The following PBX1 variants were observed in gnomAD, a reference collection of about 807,000 sequenced individuals.
PBX1 encodes the protein pre-B-cell leukemia transcription factor 1.
A neutral mutation model predicts 53.4 loss-of-function variants in PBX1; 6 were observed. The observed-to-expected ratio is 0.11, with a 90% CI of 0.06 to 0.22. The LOEUF (loss-of-function observed/expected upper bound fraction) is 0.22. Among genes scored for constraint, PBX1 ranks in the 10% least tolerant of loss-of-function variants. The probability of loss-of-function intolerance (pLI) is 1.00; values close to 1 mark genes in which losing one functional copy is unlikely to be tolerated. For synonymous variants in PBX1, 204 were observed against 212.3 expected (o/e 0.96, Z 0.34); for missense variants, 251 against 551.4 (o/e 0.46, Z 5.46).
intron 3 of PBX1, among the ~76,000 whole-genome samples, 187 bp from the exon 4 acceptor site, chr1:164,799,512 A>G (rs1668962347): frequency 6.6e-6 from 1 of 152,198 alleles, no homozygotes; most frequent in Non-Finnish European, 1.5e-5. Flanking sequence ...ATAAATAAAA[A>G]TAAAAATTCA....
chr1:164,751,314 CA>C (rs527755578), intron 2 of PBX1, among the ~76,000 whole-genome samples: 12,114 of 78,904 alleles, frequency 0.15, 657 homozygotes, highest in African/African-American at 0.26. Flanking sequence ...GACTCTGTCT[CA>C]AAAAAAAAAA....
At chr1:164,746,471 G>T (rs1021693765) in intron 2 of PBX1, among the ~76,000 whole-genome samples, 1 of 152,122 alleles carries the variant, frequency 6.6e-6, no homozygotes, top group East Asian at 1.9e-4. Flanking sequence ...CCACCTCCCA[G>T]GTTCAAGTGA....
At chr1:164,819,810 T>A (rs1670060693) in intron 6 of PBX1, 1 of 349,254 alleles carries the variant, frequency 2.9e-6, no homozygotes, top group Non-Finnish European at 5.2e-6. Flanking sequence ...AAGGTTCCCT[T>A]TCTTGGCTTG....
intron 2 of PBX1, among the ~76,000 whole-genome samples, chr1:164,715,684 A>G (rs924540249): frequency 1.3e-5 from 2 of 152,216 alleles, no homozygotes; most frequent in Non-Finnish European, 2.9e-5. Flanking sequence ...TGACTAGCTC[A>G]TGCCTTCAAA....
chr1:164,867,728 C>T (rs73030714), intron 2 of PBX1, among the ~76,000 whole-genome samples: 2,531 of 152,328 alleles, frequency 0.017, 81 homozygotes, highest in African/African-American at 0.058. Context: ...GTTTCAGTCA[C>T]CGCTTACCAA....
chr1:164,694,797 A>G (rs1487646753), intron 2 of PBX1, among the ~76,000 whole-genome samples: 1 of 152,210 alleles, frequency 6.6e-6, no homozygotes, highest in African/African-American at 2.4e-5. Context: ...GCCAAGACTT[A>G]TAAAACTAAA....
At chr1:164,777,024 C>T (rs1030917818) in intron 2 of PBX1, among the ~76,000 whole-genome samples, 1 of 146,042 alleles carries the variant, frequency 6.8e-6, no homozygotes, top group Non-Finnish European at 1.5e-5. Flanking sequence ...GATGGAGGTA[C>T]AAGTAATGGA....
intron 2 of PBX1, among the ~76,000 whole-genome samples, chr1:164,664,147 A>G (rs1177550389): frequency 6.6e-6 from 1 of 152,246 alleles, no homozygotes; most frequent in Non-Finnish European, 1.5e-5. Flanking sequence ...CTCAACTGAA[A>G]CAGGTTAACT....
At chr1:164,567,869 G>A (rs1442346903) in intron 2 of PBX1, among the ~76,000 whole-genome samples, 1 of 152,130 alleles carries the variant, frequency 6.6e-6, no homozygotes, top group Non-Finnish European at 1.5e-5. Flanking sequence ...AGGTTATACT[G>A]AAGGATCTGG....
In PBX1 at chr1:164,848,768, G is replaced by C; in HGVS notation, c.*2092G>C. On this transcript the variant is annotated 3_prime_UTR_variant, in exon 9 of 9. Transcript: ENST00000420696. ...AGAAGTATGAGACCCTGAGGGGTGA[G>C]AATGGGCAGCTAGCAAGAACATGGA... The C allele has an allele frequency of 2.8e-6, 3 of 1,061,310 alleles. No homozygotes were observed. Among genetic ancestry groups the C allele is most frequent in the Non-Finnish European group, 3.4e-6 (3 of 876,792 alleles). 65.7% of individuals were successfully genotyped at this position (1,061,310 alleles called of 1,614,324 possible).
chr1:164,871,548 G>A (rs571378241), intron 2 of PBX1, among the ~76,000 whole-genome samples: 9 of 152,276 alleles, frequency 5.9e-5, no homozygotes, highest in Admixed American at 1.3e-4. Context: ...TAGGACACCC[G>A]AGTGACCCTG....
intron 8 of PBX1, among the ~76,000 whole-genome samples, chr1:164,826,676 A>T (rs1426951386): frequency 6.6e-6 from 1 of 152,208 alleles, no homozygotes; most frequent in Non-Finnish European, 1.5e-5. Flanking sequence ...AAGTACTGGG[A>T]TTATAGGTGT....
chr1:164,633,127 C>T (rs1026866035), intron 2 of PBX1, among the ~76,000 whole-genome samples: 1 of 151,996 alleles, frequency 6.6e-6, no homozygotes, highest in South Asian at 2.1e-4. Flanking sequence ...TTCTTTTCTT[C>T]ACAACCATCT....
intron 2 of PBX1, among the ~76,000 whole-genome samples, chr1:164,728,745 G>T (rs1244143404): frequency 6.6e-6 from 1 of 152,140 alleles, no homozygotes; most frequent in Non-Finnish European, 1.5e-5. Flanking sequence ...AGGGCCTCTG[G>T]TTTTTAACTT....
At chr1:164,806,578 C>G (rs1047686059) in intron 4 of PBX1, among the ~76,000 whole-genome samples, 3 of 152,134 alleles carry the variant, frequency 2.0e-5, no homozygotes, top group African/African-American at 7.2e-5. Flanking sequence ...TTGTGAGGAG[C>G]CAATTTGTAT....
At chr1:164,738,036 T>C (rs1665395095) in intron 2 of PBX1, among the ~76,000 whole-genome samples, 1 of 152,152 alleles carries the variant, frequency 6.6e-6, no homozygotes, top group Non-Finnish European at 1.5e-5. Context: ...TTTTCATGTG[T>C]AATCTAAAAA....
At chr1:164,859,483 T>G (rs1672047949) in intron 2 of PBX1, among the ~76,000 whole-genome samples, 1 of 152,216 alleles carries the variant, frequency 6.6e-6, no homozygotes, top group African/African-American at 2.4e-5. Flanking sequence ...ACCAGCTCTT[T>G]CACTTGTAGG....
intron 2 of PBX1, among the ~76,000 whole-genome samples, chr1:164,710,133 T>C (rs1276688517): frequency 2.0e-5 from 3 of 152,182 alleles, no homozygotes; most frequent in Non-Finnish European, 4.4e-5. Flanking sequence ...GTTCAGTGAG[T>C]ATTACCTATT....
Position 164,877,298 on chromosome 1 carries a change from C to T in PBX1, n.258-21890C>T, listed in dbSNP as rs571510768. Among the ~76,000 whole-genome samples, 5 of 151,898 alleles carry T rather than the reference C, an allele frequency of 3.3e-5. 1 individual carries two copies. The highest frequency in any genetic ancestry group is 1.2e-4 in the African/African-American group (5 of 41,460). The stretch of plus-strand genomic sequence containing the variant: ...ACCAAACAAGCAAAATCCAAATCCT[C>T]CTGATACTTGATATGTTATTCCTAA... On this transcript the variant is annotated intron_variant and non_coding_transcript_variant, in intron 2 of 2. Transcript: ENST00000558796.
Sources: allele counts gnomAD v4.1 joint callset (sites outside exome capture counted in the v4.1 genomes callset), GRCh38; gene constraint gnomAD v4.1.1; transcripts MANE v1.5; gene names NCBI Gene and HGNC (gene_info 2026-07-23, HGNC 2026-07-21).